PDE4DIP: variants seen among roughly 807,000 people sequenced by gnomAD.
The protein encoded by PDE4DIP is myomegalin.
Under a neutral mutation model 221.4 loss-of-function variants are expected in PDE4DIP, and 59 were observed. The observed-to-expected ratio is 0.27, with a 90% CI of 0.22 to 0.33. The LOEUF (loss-of-function observed/expected upper bound fraction) is 0.33, where lower values mean the gene tolerates loss of function less well. PDE4DIP is among the 10% of genes least tolerant of loss of function. The pLI is 1.00. For missense variants in PDE4DIP, 1,036 were observed against 2,154.2 expected (o/e 0.48, Z 10.28); for synonymous variants, 404 against 815.9 (o/e 0.50, Z 8.60).
rs2152458378 is a variant in PDE4DIP at position 148,999,449 on chromosome 1, C to G, written c.3137+1074C>G. Among the ~76,000 whole-genome samples, 3 of 152,270 alleles carry G rather than the reference C, an allele frequency of 2.0e-5. No individual in the cohort carries two copies. In the South Asian group the frequency reaches 6.2e-4, roughly 32 times the overall value. On this transcript the variant is annotated intron_variant, in intron 23 of 43. Coordinates refer to ENST00000369354, the Ensembl canonical transcript of PDE4DIP. ...TGTTTCATAGCTGAGGAAACTCAGGCCTAGAAAGTTTCAAGTGACTTGCTC... is the reference window on the plus strand; with the variant it reads ...TGTTTCATAGCTGAGGAAACTCAGGGCTAGAAAGTTTCAAGTGACTTGCTC...
At chr1:149,010,371 G>C in intron 30 of PDE4DIP, 72 bp from the exon 34 acceptor site, 1 of 1,402,164 alleles carries the variant, frequency 7.1e-7, no homozygotes, top group Non-Finnish European at 1.0e-6. Context: ...GGTACCCCTG[G>C]GTAAACATAA....
chr1:149,001,125 A>G (rs1289151046), intron 23 of PDE4DIP, among the ~76,000 whole-genome samples: 2 of 152,302 alleles, frequency 1.3e-5, no homozygotes, highest in Non-Finnish European at 2.9e-5. Flanking sequence ...TTATATTAAT[A>G]GTTCTGATTA....
intron 5 of PDE4DIP, among the ~76,000 whole-genome samples, chr1:148,956,613 G>A (rs2055424998): frequency 6.6e-6 from 1 of 151,780 alleles, no homozygotes; most frequent in Admixed American, 6.6e-5. Flanking sequence ...AGCTATGATG[G>A]GAGGGATGTG....
At chr1:148,938,736 T>C (rs2150880387) in intron 5 of PDE4DIP, among the ~76,000 whole-genome samples, 1 of 151,414 alleles carries the variant, frequency 6.6e-6, no homozygotes, top group African/African-American at 2.4e-5. Flanking sequence ...GTTGAAATGG[T>C]GATTACTATT....
intron 33 of PDE4DIP, among the ~76,000 whole-genome samples, chr1:149,016,809 C>T (rs1287970594): frequency 6.6e-6 from 1 of 152,284 alleles, no homozygotes; most frequent in Non-Finnish European, 1.5e-5. Context: ...TCCTTCCATC[C>T]CTCTGCAGCC....
chr1:148,929,943 T>C (rs2047493098), intron 2 of PDE4DIP: 1 of 152,288 alleles, frequency 6.6e-6, no homozygotes, highest in African/African-American at 2.4e-5. Flanking sequence ...ATGAGTTAGC[T>C]CTATATTATT....
chr1:148,949,080 G>T (rs1168363677), intron 5 of PDE4DIP, among the ~76,000 whole-genome samples: 1 of 152,132 alleles, frequency 6.6e-6, no homozygotes, highest in East Asian at 1.9e-4. Context: ...CTTTTTGATC[G>T]CTGGCTAGTA....
At chr1:148,815,099 AAAATAAAT>A (rs3978511) in intron 1 of PDE4DIP, among the ~76,000 whole-genome samples, 368 of 94,566 alleles carry the variant, frequency 3.9e-3, no homozygotes, top group African/African-American at 0.015. Flanking sequence ...ACCACCATTA[AAAATAAAT>A]AAATAAATAA....
intron 6 of PDE4DIP, among the ~76,000 whole-genome samples, chr1:148,961,149 TA>T (rs71582770): frequency 4.6e-5 from 7 of 151,244 alleles, no homozygotes; most frequent in African/African-American, 1.7e-4. Context: ...TACTAAAAAA[TA>T]AAAAAAAATT....
At chr1:148,919,582 C>T (rs2044991975) in intron 1 of PDE4DIP, among the ~76,000 whole-genome samples, 1 of 151,780 alleles carries the variant, frequency 6.6e-6, no homozygotes, top group African/African-American at 2.4e-5. Context: ...TATGACCTTG[C>T]CCCATTGATG....
intron 11 of PDE4DIP, 50 bp downstream of exon 14, chr1:148,966,706 AG>A (rs1242398517): frequency 1.4e-6 from 1 of 717,570 alleles, no homozygotes; most frequent in Non-Finnish European, 2.5e-6. Flanking sequence ...CTATCTACAT[AG>A]GTATTATAGA....
intron 5 of PDE4DIP, among the ~76,000 whole-genome samples, chr1:148,948,431 C>T (rs1393342554): frequency 6.7e-6 from 1 of 148,712 alleles, no homozygotes; most frequent in Non-Finnish European, 1.5e-5. Flanking sequence ...GAGATTGTGC[C>T]ACTGCACTCC....
chr1:148,949,657 A>G (rs2151186484), intron 5 of PDE4DIP, among the ~76,000 whole-genome samples: 1 of 152,332 alleles, frequency 6.6e-6, no homozygotes, highest in South Asian at 2.1e-4. Flanking sequence ...AAAATTGATT[A>G]TCACATAATT....
intron 1 of PDE4DIP, among the ~76,000 whole-genome samples, chr1:148,822,509 A>T (rs1553362088): frequency 6.6e-6 from 1 of 151,102 alleles, no homozygotes; most frequent in East Asian, 1.9e-4. Flanking sequence ...ATACCTGATG[A>T]TCATTCCAAA....
chr1:148,956,120 A>G (rs1436781212), intron 5 of PDE4DIP, among the ~76,000 whole-genome samples: 1 of 152,122 alleles, frequency 6.6e-6, no homozygotes, highest in Non-Finnish European at 1.5e-5. Flanking sequence ...CTGAACAAAT[A>G]TGGAAAGAAT....
At chr1:148,953,644 G>A (rs1553497214) in intron 5 of PDE4DIP, 2 of 1,462,204 alleles carry the variant, frequency 1.4e-6, no homozygotes, top group South Asian at 1.1e-5. Flanking sequence ...ATCACAAGCT[G>A]GAATTAGCTC....
chr1:148,876,926 A>G (rs1468024364), intron 3 of PDE4DIP, among the ~76,000 whole-genome samples: 1 of 138,502 alleles, frequency 7.2e-6, no homozygotes, highest in East Asian at 2.1e-4. Context: ...AGGCAGGAGA[A>G]TCGCTTGAAC....
chr1:148,960,260 C>T (rs1168784124), intron 5 of PDE4DIP, among the ~76,000 whole-genome samples: 3 of 151,510 alleles, frequency 2.0e-5, no homozygotes, highest in African/African-American at 7.2e-5. Context: ...TAACTTCTCT[C>T]AGGAAGTGTA....
At chr1:148,964,196 A>C (rs1553515805) in intron 9 of PDE4DIP, among the ~76,000 whole-genome samples, 2 of 134,986 alleles carry the variant, frequency 1.5e-5, no homozygotes, top group African/African-American at 2.8e-5. Flanking sequence ...TGCAACCTCC[A>C]CCTCCCGGGT....
Sources: allele counts gnomAD v4.1 joint callset (sites outside exome capture counted in the v4.1 genomes callset), GRCh38; gene constraint gnomAD v4.1.1; transcripts MANE v1.5; gene names NCBI Gene and HGNC (gene_info 2026-07-23, HGNC 2026-07-21).